The following WWOX variants were observed in gnomAD, a reference collection of about 807,000 sequenced individuals.
WWOX encodes the protein WW domain-containing oxidoreductase.
Under a neutral mutation model 46.2 loss-of-function variants are expected in WWOX, and 69 were observed. The observed-to-expected ratio is 1.49, with a 90% CI of 1.23 to 1.82. WWOX has a LOEUF of 1.82. WWOX is among the 40% of genes most tolerant of loss of function. WWOX has a pLI of 0.00. For missense variants in WWOX, 919 were observed against 542.6 expected, an observed-to-expected ratio of 1.69 and a Z score of -6.89; for synonymous variants, 359 against 202.6, an observed-to-expected ratio of 1.77 and a Z score of -6.56.
At chr16:79,030,050 C>T (rs568850557) in intron 8 of WWOX, among the ~76,000 whole-genome samples, 4 of 152,110 alleles carry the variant, frequency 2.6e-5, no homozygotes, top group Non-Finnish European at 4.4e-5. Context: ...TGGTTTCTGA[C>T]ATTGTATGAC....
intron 8 of WWOX, among the ~76,000 whole-genome samples, chr16:79,024,323 G>C (rs1470776477): frequency 6.6e-6 from 1 of 152,192 alleles, no homozygotes; most frequent in East Asian, 1.9e-4. Flanking sequence ...CAGTGGCACA[G>C]TCACAGCTCA....
At chr16:78,764,493 G>T (rs1449565807) in intron 8 of WWOX, among the ~76,000 whole-genome samples, 1 of 147,862 alleles carries the variant, frequency 6.8e-6, no homozygotes, top group Non-Finnish European at 1.5e-5. Context: ...ATCCAAACCA[G>T]TTACCTGTTT....
chr16:78,905,041 C>A (rs534764050), intron 8 of WWOX, among the ~76,000 whole-genome samples: 1 of 152,298 alleles, frequency 6.6e-6, no homozygotes, highest in East Asian at 1.9e-4. Context: ...CCTTCCACTT[C>A]ATGCTTTCAG....
intron 8 of WWOX, among the ~76,000 whole-genome samples, chr16:78,435,611 A>G (rs1199740096): frequency 1.3e-5 from 2 of 152,112 alleles, no homozygotes; most frequent in African/African-American, 2.4e-5. Context: ...AGGGGCACTC[A>G]TAGAAAGGGC....
intron 8 of WWOX, among the ~76,000 whole-genome samples, chr16:79,092,403 G>A (rs1011694849): frequency 6.6e-6 from 1 of 152,140 alleles, no homozygotes; most frequent in Admixed American, 6.5e-5. Context: ...AGCCAGAGGC[G>A]ATATCACTTA....
chr16:78,907,160 G>C (rs896545344), intron 8 of WWOX, among the ~76,000 whole-genome samples: 8 of 152,050 alleles, frequency 5.3e-5, no homozygotes, highest in Non-Finnish European at 8.8e-5. Context: ...CAAGAGAATG[G>C]GTACTGCTGA....
At chr16:78,813,644 C>A (rs911044541) in intron 8 of WWOX, among the ~76,000 whole-genome samples, 1 of 152,006 alleles carries the variant, frequency 6.6e-6, no homozygotes, top group African/African-American at 2.4e-5. Context: ...TCTCCAAGGT[C>A]TTATCAACAG....
At chr16:78,757,096 T>C in intron 8 of WWOX, 1 of 691,654 alleles carries the variant, frequency 1.4e-6, no homozygotes. Context: ...CAATCTTGAC[T>C]GGAACTTTAT....
chr16:78,103,235 C>G (rs1285910100), intron 1 of WWOX, among the ~76,000 whole-genome samples: 1 of 137,666 alleles, frequency 7.3e-6, no homozygotes, highest in Admixed American at 8.0e-5. Context: ...GCCTCTCTGG[C>G]TCCGCTGTTT....
intron 8 of WWOX, among the ~76,000 whole-genome samples, chr16:78,915,545 T>G (rs948571830): frequency 6.6e-6 from 1 of 152,202 alleles, no homozygotes. Flanking sequence ...AGCAGGGGAC[T>G]GGGCATTTGA....
At chr16:79,132,438 G>C (rs1044296072) in intron 8 of WWOX, among the ~76,000 whole-genome samples, 1 of 152,112 alleles carries the variant, frequency 6.6e-6, no homozygotes, top group Non-Finnish European at 1.5e-5. Context: ...CAGTGTTACA[G>C]AAATAGTGTT....
At chr16:78,357,473 C>G (rs535641500) in intron 5 of WWOX, among the ~76,000 whole-genome samples, 2 of 152,060 alleles carry the variant, frequency 1.3e-5, no homozygotes, top group Non-Finnish European at 2.9e-5. Context: ...CCACTTGGTC[C>G]CTTCAATCTG....
At chr16:78,954,052 C>G (rs1462058910) in intron 8 of WWOX, among the ~76,000 whole-genome samples, 1 of 152,212 alleles carries the variant, frequency 6.6e-6, no homozygotes, top group East Asian at 1.9e-4. Context: ...CAACACATGT[C>G]AAGGCAAGGA....
chr16:78,979,484 T>G (rs2046638758), intron 8 of WWOX, among the ~76,000 whole-genome samples: 1 of 152,040 alleles, frequency 6.6e-6, no homozygotes, highest in African/African-American at 2.4e-5. Flanking sequence ...CACTGCATGA[T>G]TTTGCTCAGG....
At chr16:78,510,983 A>G (rs59221565) in intron 8 of WWOX, among the ~76,000 whole-genome samples, 1,646 of 152,306 alleles carry the variant, frequency 0.011, 31 homozygotes, top group African/African-American at 0.037. Context: ...GCAAGATGAC[A>G]TGTGCCTACC....
chr16:79,114,296 G>C (rs951237626), intron 8 of WWOX, among the ~76,000 whole-genome samples: 1 of 152,004 alleles, frequency 6.6e-6, no homozygotes, highest in African/African-American at 2.4e-5. Flanking sequence ...GATCTGGCTG[G>C]ATTAAGATGG....
chr16:78,123,444 T>TTTTG (rs1567584476), intron 4 of WWOX: 1 of 57,304 alleles, frequency 1.7e-5, no homozygotes, highest in Non-Finnish European at 3.1e-5. Flanking sequence ...TGTTTTGTTT[T>TTTTG]TTTTTTTTTT....
chr16:78,527,160 AAAC>A (rs1403045330), intron 8 of WWOX, among the ~76,000 whole-genome samples: 2 of 152,154 alleles, frequency 1.3e-5, no homozygotes, highest in African/African-American at 4.8e-5. Flanking sequence ...CGGGGTAAAA[AAAC>A]AACAAAAAAA....
chr16:78,745,949 G>T (rs780921522), intron 8 of WWOX, among the ~76,000 whole-genome samples: 1 of 152,062 alleles, frequency 6.6e-6, no homozygotes, highest in African/African-American at 2.4e-5. Context: ...TTCCAGCCCT[G>T]ACTCCAGCTG....
Sources: allele counts gnomAD v4.1 joint callset (sites outside exome capture counted in the v4.1 genomes callset), GRCh38; gene constraint gnomAD v4.1.1; transcripts MANE v1.5; gene names NCBI Gene and HGNC (gene_info 2026-07-23, HGNC 2026-07-21).